Variants in TMEM232 observed in about 807,000 individuals in gnomAD.
TMEM232 encodes the protein transmembrane protein 232.
In TMEM232, 80 loss-of-function variants were observed where a neutral mutation model predicts 78.8. The ratio of observed to expected loss-of-function variants is 1.01; its 90% CI spans 0.85 to 1.22. The LOEUF (loss-of-function observed/expected upper bound fraction) is 1.22, where lower values mean the gene tolerates loss of function less well. TMEM232 is among the 50% of genes most tolerant of loss of function. The pLI is 0.00. For missense variants in TMEM232, 881 were observed against 742.2 expected (o/e 1.19, Z -2.17); for synonymous variants, 297 against 254.3 (o/e 1.17, Z -1.60).
At chr5:110,691,801 C>G (rs1410475968) in intron 1 of TMEM232, among the ~76,000 whole-genome samples, 4 of 152,242 alleles carry the variant, frequency 2.6e-5, no homozygotes. Flanking sequence ...GAGCATCACT[C>G]AAAATTATAA....
intron 12 of TMEM232, among the ~76,000 whole-genome samples, chr5:110,504,191 T>G (rs1766598104): frequency 6.6e-6 from 1 of 152,218 alleles, no homozygotes; most frequent in Non-Finnish European, 1.5e-5. Flanking sequence ...TCATCTTAAA[T>G]ATGAGCATTT....
At position 110,552,273 on chromosome 5, in the gene TMEM232, C is replaced by T. The variant is rs1008283281; in HGVS notation, c.1455+16174G>A. On this transcript the variant is annotated intron_variant, in intron 11 of 13. Transcript: ENST00000455884. ...TAGCCACAATATATATTTAGAGTAA[C>T]GTATTACTAACTAATAGAGGAAAAA... is the stretch of plus-strand genomic sequence containing the variant. 1.8e-4 allele frequency among the ~76,000 whole-genome samples: 27 copies of T among 151,706 alleles called. No individual in the cohort carries two copies. In the East Asian group the frequency reaches 2.3e-3, roughly 13 times the overall value.
intron 11 of TMEM232, among the ~76,000 whole-genome samples, chr5:110,539,674 A>G (rs911467993): frequency 3.9e-5 from 6 of 152,164 alleles, no homozygotes; most frequent in African/African-American, 9.7e-5. Context: ...GGGATCTGCA[A>G]TTGGAGAATG....
intron 12 of TMEM232, among the ~76,000 whole-genome samples, chr5:110,486,691 A>G (rs1246085225): frequency 6.6e-6 from 1 of 152,138 alleles, no homozygotes; most frequent in Non-Finnish European, 1.5e-5. Context: ...TTTTTACACC[A>G]GTGCCATGCT....
intron 10 of TMEM232, among the ~76,000 whole-genome samples, chr5:110,591,497 T>C (rs982983395): frequency 2.0e-5 from 3 of 152,176 alleles, no homozygotes; most frequent in Non-Finnish European, 4.4e-5. Context: ...TCCTCACCTA[T>C]AGTTTCTCAC....
At position 110,632,239 on chromosome 5, in the gene TMEM232, G is replaced by A. The variant is rs183562657; in HGVS notation, c.502-4359C>T. On this transcript the variant is annotated intron_variant, in intron 5 of 13. Coordinates refer to ENST00000455884, the MANE Select transcript of TMEM232 (RefSeq NM_001039763.4). ...TAACCAACACTATGATACATTTTCA[G>A]GAAAAAATCCTCCACTGTGAAAGCA... 8.6e-5 allele frequency among the ~76,000 whole-genome samples: 13 copies of A among 150,518 alleles called. No individual in the cohort carries two copies. The East Asian group carries it at 1.9e-3, about 22-fold the overall frequency.
intron 2 of TMEM232, among the ~76,000 whole-genome samples, chr5:110,647,952 T>C (rs1787747404): frequency 6.6e-6 from 1 of 151,986 alleles, no homozygotes; most frequent in Non-Finnish European, 1.5e-5. Flanking sequence ...ACTATAAGAC[T>C]GTGTCTTCCA....
chr5:110,418,658 G>T (rs1561467139), downstream of TMEM232, among the ~76,000 whole-genome samples: 2 of 152,056 alleles, frequency 1.3e-5, no homozygotes, highest in Admixed American at 6.6e-5. Flanking sequence ...AAAGATAATA[G>T]CATGTTGGAA....
At chr5:110,490,425 TA>T (rs1764961802) in intron 12 of TMEM232, among the ~76,000 whole-genome samples, 2 of 152,188 alleles carry the variant, frequency 1.3e-5, no homozygotes, top group South Asian at 4.1e-4. Flanking sequence ...GATGTTAAGA[TA>T]ATAATACTCT....
chr5:110,625,292 C>G lies in TMEM232; in HGVS notation c.743G>C (p.Arg248Thr). The G allele has an allele frequency of 6.5e-7, 1 of 1,541,322 alleles. No homozygotes were observed. The highest frequency in any genetic ancestry group is 8.8e-7 in the Non-Finnish European group (1 of 1,142,548). The change falls in exon 7 of 14, where the codon AGA (arginine) becomes ACA (threonine). Residue 248 changes from arginine (R) to threonine (T), a missense_variant. Physicochemically the swap from Arg to Thr is moderately conservative, Grantham distance 71. Transcript: ENST00000455884. ...CATATCAGAATCTGTGTTCTCATAT[C>G]TTTTCTTATCTTCCACAGGTCTAAA... ...SIFRPVEDKK[R>T]YENTDSDMGG... is the part of the protein sequence containing the mutation.
intron 2 of TMEM232, among the ~76,000 whole-genome samples, chr5:110,402,181 C>A (rs1191587753): frequency 6.6e-6 from 1 of 152,088 alleles, no homozygotes; most frequent in Non-Finnish European, 1.5e-5. Context: ...ACAGATATTT[C>A]AGTTTGCAAT....
chr5:110,412,662 G>T (rs1433577195), intron 2 of TMEM232, among the ~76,000 whole-genome samples: 1 of 151,386 alleles, frequency 6.6e-6, no homozygotes, highest in African/African-American at 2.4e-5. Flanking sequence ...CTTTTCCCAA[G>T]AAAATTTTCA....
chr5:110,558,556 C>T (rs1374826567), intron 11 of TMEM232, among the ~76,000 whole-genome samples: 1 of 152,072 alleles, frequency 6.6e-6, no homozygotes, highest in African/African-American at 2.4e-5. Flanking sequence ...TGTGGTAAGG[C>T]AGGGACCTGG....
At chr5:110,642,409 T>C in intron 2 of TMEM232, 38 bp from the exon 3 acceptor site, 1 of 1,386,306 alleles carries the variant, frequency 7.2e-7, no homozygotes, top group Non-Finnish European at 9.6e-7. Flanking sequence ...TTAAAAAGTA[T>C]AGCTATCACT....
intron 7 of TMEM232, among the ~76,000 whole-genome samples, chr5:110,624,861 A>T (rs1007690891): frequency 6.6e-6 from 1 of 152,108 alleles, no homozygotes; most frequent in African/African-American, 2.4e-5. Flanking sequence ...CAACTCGCAT[A>T]ATGTTAAACG....
At position 110,581,490 on chromosome 5, in the gene TMEM232, T is replaced by G. The variant is rs181617425; in HGVS notation, c.1277-12865A>C. On this transcript the variant is annotated intron_variant, in intron 10 of 13. Coordinates refer to ENST00000455884, the MANE Select transcript of TMEM232 (RefSeq NM_001039763.4). ...GCAGAAGATTGAAACTGGGACCCCT[T>G]CCTTAAACTATATACAAAAATTAAT... Among the ~76,000 whole-genome samples the G allele has an allele frequency of 1.6e-4, 25 of 152,062 alleles. No homozygotes were observed. The East Asian group carries it at 2.9e-3, about 18-fold the overall frequency.
chr5:110,691,798 A>T (rs540714187), intron 1 of TMEM232, among the ~76,000 whole-genome samples: 1 of 152,344 alleles, frequency 6.6e-6, no homozygotes, highest in East Asian at 1.9e-4. Context: ...AATGAGCATC[A>T]CTCAAAATTA....
chr5:110,624,507 G>T (rs1238387087), intron 7 of TMEM232, among the ~76,000 whole-genome samples: 1 of 152,018 alleles, frequency 6.6e-6, no homozygotes, highest in Non-Finnish European at 1.5e-5. Flanking sequence ...TGCTCTTTCT[G>T]TTGCTCGATA....
In TMEM232 at chr5:110,642,315, G is replaced by T. The variant is rs767366092; in HGVS notation, c.182C>A (p.Ser61Tyr). The change falls in exon 3 of 14, where the codon TCC becomes TAC. Residue 61 changes from serine to tyrosine, a missense_variant. Ser to Tyr is a moderately radical substitution (Grantham distance 144, BLOSUM62 -2). Coordinates refer to ENST00000455884, the MANE Select transcript of TMEM232 (RefSeq NM_001039763.4). ...FILRFNQTQN[S>Y]KEKEELLELA... ...TTCCAACAATTCTTCCTTCTCTTTGGAATTTTGTGTTTGATTGAATCTCAA... is the reference window on the plus strand; with the variant it reads ...TTCCAACAATTCTTCCTTCTCTTTGTAATTTTGTGTTTGATTGAATCTCAA... 1.9e-6 allele frequency: 3 copies of T among 1,538,498 alleles called. No individual in the cohort carries two copies. The highest frequency in any genetic ancestry group is 2.5e-5 in the South Asian group (2 of 81,476).
Sources: gnomAD v4.1 joint callset for allele counts (sites outside exome capture counted in the v4.1 genomes callset) on GRCh38, gnomAD v4.1.1 for gene constraint, MANE v1.5 for transcripts, NCBI Gene and HGNC (gene_info 2026-07-23, HGNC 2026-07-21) for gene names.